Variants in ZFAND6 observed in about 807,000 individuals in gnomAD.
The protein encoded by ZFAND6 is AN1-type zinc finger protein 6.
In ZFAND6, 12 loss-of-function variants were observed where a neutral mutation model predicts 24.5. The observed-to-expected ratio is 0.49, with a 90% CI of 0.31 to 0.79. ZFAND6 has a LOEUF of 0.79. Ranked by LOEUF, ZFAND6 falls within the 30% of genes least tolerant of loss-of-function variation. The pLI, the probability that ZFAND6 is intolerant of heterozygous loss-of-function variation, is 0.04. For synonymous variants in ZFAND6, 92 were observed against 81.5 expected (o/e 1.13, Z -0.69); for missense variants, 207 against 245.9 (o/e 0.84, Z 1.06).
At chr15:80,095,365 C>G (rs76531275) in intron 1 of ZFAND6, among the ~76,000 whole-genome samples, 1 of 152,122 alleles carries the variant, frequency 6.6e-6, no homozygotes, top group South Asian at 2.1e-4. Context: ...CACTTGTTTC[C>G]TTATCAGTGA....
intron 1 of ZFAND6, among the ~76,000 whole-genome samples, chr15:80,089,242 C>T (rs1474466612): frequency 4.4e-5 from 6 of 135,860 alleles, no homozygotes; most frequent in Non-Finnish European, 9.4e-5. Context: ...ATTCTGTCTT[C>T]GTGTGTGAGT....
At chr15:80,134,752 G>A (rs1285753620) in intron 6 of ZFAND6, among the ~76,000 whole-genome samples, 4 of 152,162 alleles carry the variant, frequency 2.6e-5, no homozygotes, top group Non-Finnish European at 5.9e-5. Context: ...TGATGGAGAT[G>A]ACTGCTTCCA....
intron 6 of ZFAND6, among the ~76,000 whole-genome samples, chr15:80,136,569 A>G (rs2040876696): frequency 6.6e-6 from 1 of 152,210 alleles, no homozygotes; most frequent in Non-Finnish European, 1.5e-5. Flanking sequence ...AGTCTGTCTA[A>G]TACAGTGCTG....
In ZFAND6 at chr15:80,065,165, A is replaced by G. The variant is rs199961047; in HGVS notation, c.-181+5356A>G. 4.0e-5 allele frequency among the ~76,000 whole-genome samples: 6 copies of G among 151,402 alleles called. No homozygotes were observed. The East Asian group carries it at 1.2e-3, about 29-fold the overall frequency. Reference sequence around the variant, plus strand: ...TCTTCTAGTTCTTTTACGGTTTCATATTTCACATCTGTCTTTTTCTGTTCA... The same window carrying G: ...TCTTCTAGTTCTTTTACGGTTTCATGTTTCACATCTGTCTTTTTCTGTTCA... On this transcript the variant is annotated intron_variant, in intron 1 of 6. Coordinates refer to ENST00000261749, the MANE Select transcript of ZFAND6 (RefSeq NM_019006.4).
At chr15:80,066,044 G>A (rs1181501087) in intron 1 of ZFAND6, among the ~76,000 whole-genome samples, 1 of 152,032 alleles carries the variant, frequency 6.6e-6, no homozygotes, top group Non-Finnish European at 1.5e-5. Flanking sequence ...AAGTATTTAA[G>A]CACCTGCTCC....
At chr15:80,077,850 C>T (rs531134636) in intron 1 of ZFAND6, among the ~76,000 whole-genome samples, 67 of 151,888 alleles carry the variant, frequency 4.4e-4, no homozygotes, top group Non-Finnish European at 8.4e-4. Flanking sequence ...CAGGTGTCTG[C>T]CACCACGCCC....
At chr15:80,113,366 T>G (rs2039705586) in intron 2 of ZFAND6, among the ~76,000 whole-genome samples, 1 of 152,180 alleles carries the variant, frequency 6.6e-6, no homozygotes, top group African/African-American at 2.4e-5. Flanking sequence ...ACTAATTTTT[T>G]TAAAAAATAA....
At position 80,099,353 on chromosome 15, in the gene ZFAND6, T is replaced by G. The variant is rs1003760564; in HGVS notation, c.-18+775T>G. ...TCTCTCTTTAGAAGAATGCATTGTT[T>G]GTACAGATGGAGTGATTAAAATGTA... On this transcript the variant is annotated intron_variant, in intron 2 of 6. Transcript: ENST00000261749. 7.2e-5 allele frequency among the ~76,000 whole-genome samples: 11 copies of G among 152,294 alleles called. No individual in the cohort carries two copies. The Middle Eastern group carries it at 0.01, about 141-fold the overall frequency.
intron 1 of ZFAND6, among the ~76,000 whole-genome samples, 191 bp from the exon 2 acceptor site, chr15:80,098,225 A>G (rs530943022): frequency 2.6e-5 from 4 of 152,362 alleles, no homozygotes; most frequent in South Asian, 2.1e-4. Context: ...TAGAAAATCT[A>G]TGGATTAGTT....
intron 2 of ZFAND6, chr15:80,111,371 T>A: frequency 2.6e-6 from 1 of 386,522 alleles, no homozygotes; most frequent in South Asian, 1.9e-5. Flanking sequence ...TTCTTAACTC[T>A]TGCAGTCAAC....
chr15:80,076,927 A>T (rs2037318363), intron 1 of ZFAND6, among the ~76,000 whole-genome samples: 3 of 152,132 alleles, frequency 2.0e-5, no homozygotes, highest in African/African-American at 7.2e-5. Context: ...AGTATTTCTG[A>T]CAGTTTTTTG....
At chr15:80,074,594 A>G (rs2037159950) in intron 1 of ZFAND6, among the ~76,000 whole-genome samples, 1 of 151,890 alleles carries the variant, frequency 6.6e-6, no homozygotes, top group Non-Finnish European at 1.5e-5. Flanking sequence ...TTGGAAACAG[A>G]TAACTTTTAT....
chr15:80,090,402 G>A (rs1361427872), intron 1 of ZFAND6, among the ~76,000 whole-genome samples: 1 of 152,218 alleles, frequency 6.6e-6, no homozygotes, highest in African/African-American at 2.4e-5. Context: ...ACCTGAGCAA[G>A]TTCCATAATC....
chr15:80,082,294 C>T (rs927861351), intron 1 of ZFAND6, among the ~76,000 whole-genome samples: 3 of 152,204 alleles, frequency 2.0e-5, no homozygotes, highest in Non-Finnish European at 4.4e-5. Flanking sequence ...TAAGTTCTCA[C>T]AATATCATGA....
rs928168738 is a variant in ZFAND6 at position 80,093,155 on chromosome 15, C to T, written c.-180-5261C>T. On this transcript the variant is annotated intron_variant, in intron 1 of 6. Transcript: ENST00000261749. ...TGTGTGTGTGTGTTTTTAGTAGAGT[C>T]GGGGTTTCACCATGCTGACCAGGCT... Among the ~76,000 whole-genome samples the T allele has an allele frequency of 4.0e-5, 6 of 151,640 alleles. No individual in the cohort carries two copies. The East Asian group carries it at 5.9e-4, about 15-fold the overall frequency.
At chr15:80,104,008 C>T (rs1264577978) in intron 2 of ZFAND6, among the ~76,000 whole-genome samples, 1 of 152,090 alleles carries the variant, frequency 6.6e-6, no homozygotes. Flanking sequence ...ACCACCACAC[C>T]CAGATAATTT....
At chr15:80,130,806 A>G (rs1300890596) in intron 5 of ZFAND6, 2 of 174,902 alleles carry the variant, frequency 1.1e-5, no homozygotes, top group Admixed American at 1.2e-4. Context: ...CCCGAACAAT[A>G]TTAAGAACTA....
chr15:80,122,489 A>G (rs1157146093), intron 4 of ZFAND6, among the ~76,000 whole-genome samples: 4 of 152,132 alleles, frequency 2.6e-5, no homozygotes, highest in Non-Finnish European at 5.9e-5. Flanking sequence ...GGACATATAC[A>G]CTGTTGCTTT....
At chr15:80,069,767 C>T (rs1198653773) in intron 1 of ZFAND6, among the ~76,000 whole-genome samples, 4 of 152,202 alleles carry the variant, frequency 2.6e-5, no homozygotes, top group African/African-American at 7.2e-5. Context: ...TGCCACTGCA[C>T]GAGGCTAATT....
Sources: allele counts gnomAD v4.1 joint callset (sites outside exome capture counted in the v4.1 genomes callset), GRCh38; gene constraint gnomAD v4.1.1; transcripts MANE v1.5; gene names NCBI Gene and HGNC (gene_info 2026-07-23, HGNC 2026-07-21).